TDP2: variants seen among roughly 807,000 people sequenced by gnomAD.
TDP2 encodes the protein tyrosyl-DNA phosphodiesterase 2.
In TDP2, 38 loss-of-function variants were observed where a neutral mutation model predicts 42.8. The observed-to-expected ratio is 0.89, with a 90% confidence interval of 0.68 to 1.16. TDP2 has a LOEUF of 1.16. Ranked by LOEUF, TDP2 falls within the 50% of genes most tolerant of loss-of-function variation. TDP2 has a pLI of 0.00. For synonymous variants in TDP2, 173 were observed against 150.6 expected (o/e 1.15, Z -1.09); for missense variants, 439 against 439.3 (o/e 1.00, Z 0.01).
Position 24,666,512 on chromosome 6 carries a change from C to T in TDP2, c.251+14G>A, listed in dbSNP as rs765185701. 3 of 1,612,776 alleles carry T rather than the reference C, an allele frequency of 1.9e-6. No homozygotes were observed. Among genetic ancestry groups the T allele is most frequent in the Non-Finnish European group, 1.7e-6 (2 of 1,178,976 alleles). On this transcript the variant is annotated intron_variant, in intron 2 of 6. Transcript: ENST00000378198. ...CCTCCGTGCGGACTGGCTCCCGCTCCCCTCATCACTTACTAGGTCTTGGGC... is the reference window on the plus strand; with the variant it reads ...CCTCCGTGCGGACTGGCTCCCGCTCTCCTCATCACTTACTAGGTCTTGGGC...
At chr6:24,654,344 G>T (rs372227013) in intron 5 of TDP2, 68 bp downstream of exon 5, 10 of 832,380 alleles carry the variant, frequency 1.2e-5, no homozygotes, top group Middle Eastern at 3.4e-4. Flanking sequence ...GTTTTAAAAA[G>T]AATAATAACA....
chr6:24,665,282 T>C (rs1265241081), intron 2 of TDP2, among the ~76,000 whole-genome samples: 5 of 152,230 alleles, frequency 3.3e-5, no homozygotes, highest in African/African-American at 1.2e-4. Flanking sequence ...AGACTCAGAC[T>C]TGACTCTCTT....
chr6:24,666,499 C>A, intron 2 of TDP2, 27 bp downstream of exon 2: 1 of 1,608,914 alleles, frequency 6.2e-7, no homozygotes, highest in Non-Finnish European at 8.5e-7. Context: ...TCCGTGCGGA[C>A]TGGCTCCCGC....
intron 4 of TDP2, among the ~76,000 whole-genome samples, chr6:24,656,466 G>C (rs1778063338): frequency 2.6e-5 from 4 of 152,004 alleles, no homozygotes; most frequent in Admixed American, 2.6e-4. Context: ...TGGTGGGAGG[G>C]AGGGAGAGGG....
chr6:24,666,150 G>C lies in TDP2; in HGVS notation c.251+376C>G, dbSNP rs905318722. 26 of 1,550,364 alleles carry C rather than the reference G, an allele frequency of 1.7e-5. No individual in the cohort carries two copies. The Admixed American group carries it at 4.9e-4, about 29-fold the overall frequency. ...TTCTGGCCGGTCAGCCTAGGGCCTA[G>C]AATAAATAAACAATACAGGAAGCAA... is the stretch of plus-strand genomic sequence containing the variant. On this transcript the variant is annotated intron_variant, in intron 2 of 6. Transcript: ENST00000378198.
chr6:24,666,273 A>G, intron 2 of TDP2: 1 of 1,541,816 alleles, frequency 6.5e-7, no homozygotes, highest in East Asian at 2.5e-5. Flanking sequence ...TGAGTTAAAC[A>G]TTACATTTCC....
At chr6:24,651,446 G>C (rs1777973281) in intron 6 of TDP2, among the ~76,000 whole-genome samples, 1 of 152,138 alleles carries the variant, frequency 6.6e-6, no homozygotes, top group Non-Finnish European at 1.5e-5. Flanking sequence ...CAGAAGTATA[G>C]CATTCATATG....
intron 6 of TDP2, among the ~76,000 whole-genome samples, chr6:24,652,082 T>C (rs1298804916): frequency 6.6e-6 from 1 of 152,354 alleles, no homozygotes; most frequent in South Asian, 2.1e-4. Flanking sequence ...CTCTATGAAT[T>C]TGACCAGTTT....
chr6:24,651,538 T>C (rs1334431425), intron 6 of TDP2, among the ~76,000 whole-genome samples: 1 of 152,212 alleles, frequency 6.6e-6, no homozygotes, highest in Non-Finnish European at 1.5e-5. Context: ...CACTCCAGGA[T>C]TTAAAAAAAT....
intron 2 of TDP2, among the ~76,000 whole-genome samples, chr6:24,664,346 A>AT (rs1306946561): frequency 6.6e-6 from 1 of 151,072 alleles, no homozygotes; most frequent in African/African-American, 2.4e-5. Flanking sequence ...AAAAAAAAAA[A>AT]GCCAATAAGG....
At chr6:24,651,594 A>T (rs1777976000) in intron 6 of TDP2, among the ~76,000 whole-genome samples, 1 of 147,334 alleles carries the variant, frequency 6.8e-6, no homozygotes, top group Non-Finnish European at 1.5e-5. Context: ...CATTTTAACA[A>T]TTTTTTTTTT....
At chr6:24,655,723 C>G (rs3212234) in intron 4 of TDP2, among the ~76,000 whole-genome samples, 19,360 of 152,196 alleles carry the variant, frequency 0.13, 2,261 homozygotes, top group East Asian at 0.45. Flanking sequence ...CCCTTCCCCT[C>G]ACCTGCTTCC....
intron 2 of TDP2, among the ~76,000 whole-genome samples, chr6:24,660,654 C>T (rs1369826318): frequency 6.6e-6 from 1 of 152,128 alleles, no homozygotes; most frequent in Non-Finnish European, 1.5e-5. Flanking sequence ...TTTCTTATTG[C>T]CTCCTATGGC....
rs1777996155 is a variant in TDP2 at position 24,652,848 on chromosome 6, C to CAGCGAAT, written c.807+134_807+135insATTCGCT. 4 of 922,704 alleles carry CAGCGAAT rather than the reference C, an allele frequency of 4.3e-6. No individual in the cohort carries two copies. In the East Asian group the frequency reaches 7.5e-5, roughly 17 times the overall value. 57.2% of individuals were successfully genotyped at this position (922,704 alleles called of 1,614,324 possible). A position where few individuals can be genotyped will look rare whatever the true frequency, so the allele number is the denominator to read the frequency against. On this transcript the variant is annotated intron_variant, in intron 6 of 6. Coordinates refer to ENST00000378198, the MANE Select transcript of TDP2 (RefSeq NM_016614.3). Reference sequence around the variant, plus strand: ...ATACAGCATAGGCTAAACAAATATTCGCTGAATTGCAAGGTCACTTAAGAC... The same window carrying CAGCGAAT: ...ATACAGCATAGGCTAAACAAATATTCAGCGAATGCTGAATTGCAAGGTCACTTAAGAC...
At chr6:24,662,964 G>A (rs1778177358) in intron 2 of TDP2, among the ~76,000 whole-genome samples, 1 of 152,186 alleles carries the variant, frequency 6.6e-6, no homozygotes, top group African/African-American at 2.4e-5. Context: ...AGACAAAGGT[G>A]TTTGCTCATC....
At chr6:24,656,436 G>C (rs1778062698) in intron 4 of TDP2, among the ~76,000 whole-genome samples, 1 of 152,048 alleles carries the variant, frequency 6.6e-6, no homozygotes, top group Non-Finnish European at 1.5e-5. Flanking sequence ...CAAAGATAAT[G>C]AAAGGAGAGG....
chr6:24,652,569 A>G (rs1777992127), intron 6 of TDP2, among the ~76,000 whole-genome samples: 1 of 152,216 alleles, frequency 6.6e-6, no homozygotes, highest in Admixed American at 6.5e-5. Flanking sequence ...CCAAAAAAGA[A>G]AAAAGAAAAG....
chr6:24,650,820 C>A lies in TDP2; in HGVS notation c.1057G>T (p.Gly353Cys). Residue 353 changes from glycine to cysteine, a missense_variant, in exon 7 of 7, where the codon GGT becomes TGT. By Grantham distance (159) the Gly-to-Cys change is radical. Coordinates refer to ENST00000378198, the MANE Select transcript of TDP2 (RefSeq NM_016614.3). ...ATTATATCTAAGTTGCACAGAAGAC[C>A]CCAGTGATCACTAGGAAATCTACCA... ...DCGRFPSDHW[G>C]LLCNLDIIL 6.2e-7 allele frequency: 1 copy of A among 1,614,014 alleles called. No homozygotes were observed. The highest frequency in any genetic ancestry group is 8.5e-7 in the Non-Finnish European group (1 of 1,179,974).
rs769350415 is a variant in TDP2, at chr6:24,650,841, TA to T, written c.1035del (p.Arg346AspfsTer13). 35 of 1,614,046 alleles carry T rather than the reference TA, an allele frequency of 2.2e-5. No homozygotes were observed. The highest frequency in any genetic ancestry group is 3.0e-5 in the Non-Finnish European group (35 of 1,180,006). ...AGACCCCAGTGATCACTAGGAAATC[TA>T]CCACAGTCCAGTTTTTCTAATCCAA... ...DLLGLEKLDC[G>X]RFPSDHWGLL... is the part of the protein sequence containing the mutation. On this transcript the variant is annotated frameshift_variant, in exon 7 of 7. Transcript: ENST00000378198. LOFTEE classifies it high-confidence loss of function.
Sources: allele counts gnomAD v4.1 joint callset (sites outside exome capture counted in the v4.1 genomes callset), GRCh38; gene constraint gnomAD v4.1.1; transcripts MANE v1.5; gene names NCBI Gene and HGNC (gene_info 2026-07-23, HGNC 2026-07-21).